The following CTNNA2 variants were observed in gnomAD, a reference collection of about 807,000 sequenced individuals.
CTNNA2 encodes the protein catenin alpha-2.
In CTNNA2, 42 loss-of-function variants were observed where a neutral mutation model predicts 101.0. That is an observed-to-expected ratio of 0.42 (90% CI 0.32 to 0.54). The LOEUF (loss-of-function observed/expected upper bound fraction) is 0.54, where lower values mean the gene tolerates loss of function less well. Among genes scored for constraint, CTNNA2 ranks in the 20% least tolerant of loss-of-function variants. The probability of loss-of-function intolerance (pLI) is 0.14; values close to 1 mark genes in which losing one functional copy is unlikely to be tolerated. For synonymous variants in CTNNA2, 450 were observed against 456.4 expected (o/e 0.99, Z 0.18); for missense variants, 871 against 1,223.1 (o/e 0.71, Z 4.29).
chr2:80,032,336 A>C (rs1695345375), intron 7 of CTNNA2, among the ~76,000 whole-genome samples: 1 of 152,188 alleles, frequency 6.6e-6, no homozygotes, highest in Non-Finnish European at 1.5e-5. Context: ...AAATATGACT[A>C]AACAGAAAGC....
intron 9 of CTNNA2, among the ~76,000 whole-genome samples, chr2:80,466,891 A>G (rs1684902681): frequency 1.3e-5 from 2 of 152,200 alleles, no homozygotes; most frequent in African/African-American, 4.8e-5. Flanking sequence ...TGTTCTAATA[A>G]ATCATCAGTA....
chr2:80,600,489 GATA>G (rs1190871140), intron 15 of CTNNA2, among the ~76,000 whole-genome samples: 3 of 151,960 alleles, frequency 2.0e-5, no homozygotes, highest in African/African-American at 7.2e-5. Context: ...GAAGAGCTTA[GATA>G]AGCAATTTAG....
intron 7 of CTNNA2, among the ~76,000 whole-genome samples, chr2:80,274,866 G>A (rs1027240958): frequency 1.3e-5 from 2 of 152,060 alleles, no homozygotes; most frequent in African/African-American, 4.8e-5. Context: ...CCCTCTTCTA[G>A]GATTTCGTAA....
intron 7 of CTNNA2, chr2:80,304,930 A>AT: frequency 2.2e-5 from 5 of 227,258 alleles, no homozygotes; most frequent in Non-Finnish European, 2.8e-5. Flanking sequence ...AAAAAAAAAA[A>AT]GGAGGGGGGA....
At chr2:79,475,717 G>T (rs1218720054) in intron 4 of CTNNA2, among the ~76,000 whole-genome samples, 6 of 146,618 alleles carry the variant, frequency 4.1e-5, no homozygotes, top group African/African-American at 1.5e-4. Flanking sequence ...TTATATTCAG[G>T]AAAATTTCTT....
At chr2:79,605,772 C>A (rs1393519085) in intron 1 of CTNNA2, among the ~76,000 whole-genome samples, 1 of 151,760 alleles carries the variant, frequency 6.6e-6, no homozygotes, top group African/African-American at 2.4e-5. Context: ...TAATAATAAA[C>A]TAGCTGTGTG....
intron 7 of CTNNA2, among the ~76,000 whole-genome samples, chr2:80,181,262 C>A (rs1286257515): frequency 1.3e-5 from 2 of 152,102 alleles, no homozygotes; most frequent in Admixed American, 1.3e-4. Context: ...CAGGATTAAT[C>A]TCTGACAAAG....
chr2:80,561,662 C>T (rs1216806813), intron 12 of CTNNA2, among the ~76,000 whole-genome samples: 1 of 151,972 alleles, frequency 6.6e-6, no homozygotes, highest in Non-Finnish European at 1.5e-5. Flanking sequence ...GAAAGAAACA[C>T]TTCCTCTCTC....
At chr2:79,676,062 C>G (rs1683164529) in intron 2 of CTNNA2, among the ~76,000 whole-genome samples, 1 of 152,144 alleles carries the variant, frequency 6.6e-6, no homozygotes, top group South Asian at 2.1e-4. Context: ...CAGCTGGTCC[C>G]AGCTCTTGGT....
intron 8 of CTNNA2, among the ~76,000 whole-genome samples, chr2:80,410,339 A>G (rs1679458039): frequency 6.6e-6 from 1 of 152,234 alleles, no homozygotes; most frequent in Admixed American, 6.5e-5. Context: ...TATTGACTGC[A>G]TTCCTTTGGG....
intron 7 of CTNNA2, among the ~76,000 whole-genome samples, chr2:79,942,629 T>C (rs1688233809): frequency 6.6e-6 from 1 of 152,130 alleles, no homozygotes; most frequent in Non-Finnish European, 1.5e-5. Context: ...GTCTACCATT[T>C]ATTGTTCTTA....
At chr2:80,333,343 C>T (rs974153718) in intron 7 of CTNNA2, among the ~76,000 whole-genome samples, 13 of 152,096 alleles carry the variant, frequency 8.5e-5, no homozygotes, top group African/African-American at 1.7e-4. Context: ...GTGGATCCTG[C>T]GTTGGGCTTT....
chr2:79,222,990 TAAA>T (rs113544177), intron 2 of CTNNA2, among the ~76,000 whole-genome samples: 1 of 148,670 alleles, frequency 6.7e-6, no homozygotes, highest in Non-Finnish European at 1.5e-5. Context: ...TAAAAAAAGT[TAAA>T]AAAAAAAATT....
rs149494470 is a variant in CTNNA2, at chr2:80,637,633, C to G, written c.2575-9952C>G. On this transcript the variant is annotated intron_variant, in intron 18 of 18. Transcript: ENST00000402739. ...ACCTCGGTAGCAACAGAGCCTTTGA[C>G]TAGTTATTTCCATACACCTGATGAG... 9.3e-4 allele frequency among the ~76,000 whole-genome samples: 141 copies of G among 152,194 alleles called. 1 individual carries two copies. The highest frequency in any genetic ancestry group is 3.2e-3 in the African/African-American group (134 of 41,516).
intron 4 of CTNNA2, among the ~76,000 whole-genome samples, chr2:79,455,437 G>A (rs1426426989): frequency 6.6e-6 from 1 of 152,066 alleles, no homozygotes; most frequent in Non-Finnish European, 1.5e-5. Context: ...ATGGCCAAAG[G>A]TCTCGGTCCC....
intron 2 of CTNNA2, among the ~76,000 whole-genome samples, chr2:79,207,442 T>C (rs1674114093): frequency 6.6e-6 from 1 of 152,124 alleles, no homozygotes; most frequent in Non-Finnish European, 1.5e-5. Context: ...AAATTTGTCG[T>C]GACATTGAAA....
chr2:80,220,881 T>C lies in CTNNA2; in HGVS notation c.1057-172330T>C, dbSNP rs190497284. On this transcript the variant is annotated intron_variant, in intron 7 of 18. Coordinates refer to ENST00000402739, the MANE Select transcript of CTNNA2 (RefSeq NM_001282597.3). ...TCTGGTTTTTTGTTTGTTTTTGTTT[T>C]GTTTTGTTTTTGTTTTCTGAGACAG... 5.1e-3 allele frequency among the ~76,000 whole-genome samples: 776 copies of C among 152,326 alleles called. 7 individuals carry two copies. The highest frequency in any genetic ancestry group is 8.3e-3 in the Admixed American group (127 of 15,298).
chr2:79,464,485 T>C (rs1192982001), intron 4 of CTNNA2, among the ~76,000 whole-genome samples: 1 of 152,220 alleles, frequency 6.6e-6, no homozygotes, highest in Non-Finnish European at 1.5e-5. Flanking sequence ...TTACAATCCT[T>C]TGGGTATATA....
At chr2:79,324,843 T>C (rs183499801) in intron 3 of CTNNA2, among the ~76,000 whole-genome samples, 3 of 152,182 alleles carry the variant, frequency 2.0e-5, no homozygotes, top group East Asian at 3.9e-4. Context: ...TTCCTAAGCA[T>C]AGCAGGAGGC....
Sources: allele counts gnomAD v4.1 joint callset (sites outside exome capture counted in the v4.1 genomes callset), GRCh38; gene constraint gnomAD v4.1.1; transcripts MANE v1.5; gene names NCBI Gene and HGNC (gene_info 2026-07-23, HGNC 2026-07-21).